TAC4: variants seen among roughly 807,000 people sequenced by gnomAD.
TAC4 encodes the protein tachykinin precursor 4.
Under a neutral mutation model 17.7 loss-of-function variants are expected in TAC4, and 17 were observed. The observed-to-expected ratio is 0.96, with a 90% confidence interval of 0.66 to 1.44. TAC4 has a LOEUF of 1.44. Among genes scored for constraint, TAC4 ranks in the 40% most tolerant of loss-of-function variants. The pLI, the probability that TAC4 is intolerant of heterozygous loss-of-function variation, is 0.00. For missense variants in TAC4, 118 were observed against 125.6 expected (o/e 0.94, Z 0.29); for synonymous variants, 62 against 52.4 (o/e 1.18, Z -0.79).
At chr17:49,844,887 C>G (rs981886826) in intron 1 of TAC4, among the ~76,000 whole-genome samples, 1 of 152,222 alleles carries the variant, frequency 6.6e-6, no homozygotes, top group Non-Finnish European at 1.5e-5. Flanking sequence ...ACCACCATAA[C>G]TAGTAGAAAC....
chr17:49,841,778 C>T (rs1025647689), intron 2 of TAC4, among the ~76,000 whole-genome samples, 194 bp from the exon 3 acceptor site: 6 of 151,814 alleles, frequency 4.0e-5, no homozygotes, highest in African/African-American at 1.5e-4. Context: ...TGGAAGTGCA[C>T]AGACTTTGGG....
At chr17:49,839,504 CA>C (rs2074480979) in intron 4 of TAC4, among the ~76,000 whole-genome samples, 2 of 152,196 alleles carry the variant, frequency 1.3e-5, no homozygotes, top group African/African-American at 4.8e-5. Flanking sequence ...GTGTAACGAT[CA>C]ACGATTAGAG....
rs75424427 is a variant in TAC4 at position 49,838,764 on chromosome 17, C to G, written c.293-91G>C. On this transcript the variant is annotated intron_variant, in intron 4 of 4. Transcript: ENST00000436235. The stretch of plus-strand genomic sequence containing the variant: ...AAGTCTTCCCTAGTTGCATTGAAGG[C>G]CTTCATCTTCCTAACCCCTCTCTCC... 3,934 of 1,283,454 alleles carry G rather than the reference C, an allele frequency of 3.1e-3. 75 individuals are homozygous for G. The African/African-American group carries it at 0.051, about 17-fold the overall frequency. The allele number at this position is 1,283,454 out of a possible 1,614,324, so 79.5% of individuals were successfully genotyped here.
intron 1 of TAC4, chr17:49,847,702 C>CACAG: frequency 3.3e-6 from 2 of 609,292 alleles, no homozygotes; most frequent in Non-Finnish European, 2.8e-6. Flanking sequence ...GACACACACA[C>CACAG]ACACACACAC....
intron 1 of TAC4, 148 bp from the exon 2 acceptor site, chr17:49,844,305 C>T (rs1226936848): frequency 3.1e-6 from 2 of 646,682 alleles, no homozygotes; most frequent in Non-Finnish European, 5.6e-6. Flanking sequence ...ATATTTTACA[C>T]AGTACTGCAC....
At position 49,847,807 on chromosome 17, in the gene TAC4, C is replaced by T. The variant is rs1057014677; in HGVS notation, c.105+106G>A. 1.7e-5 allele frequency: 27 copies of T among 1,594,416 alleles called. 1 individual carries two copies. The African/African-American group carries it at 2.4e-4, about 14-fold the overall frequency. ...TCAGACAACTTGCCTTGCAGACTGC[C>T]TGCTCTCCCAGCAGCCATGCAGGGG... On this transcript the variant is annotated intron_variant, in intron 1 of 4. Transcript: ENST00000436235.
At chr17:49,847,717 A>T in intron 1 of TAC4, 196 bp downstream of exon 1, 3 of 727,860 alleles carry the variant, frequency 4.1e-6, no homozygotes, top group South Asian at 3.4e-5. Context: ...ACACACACAC[A>T]CACACACACT....
intron 1 of TAC4, chr17:49,847,628 A>G: frequency 2.4e-6 from 1 of 417,084 alleles, no homozygotes; most frequent in East Asian, 5.2e-5. Flanking sequence ...AAAGCATTTC[A>G]GACAGTGCCA....
chr17:49,847,140 C>G (rs1042198127), intron 1 of TAC4: 1 of 1,289,868 alleles, frequency 7.8e-7, no homozygotes, highest in Non-Finnish European at 1.0e-6. Flanking sequence ...AAGCCAAGGC[C>G]ACCCCAGTGT....
chr17:49,842,731 C>T (rs2074508062), intron 2 of TAC4, among the ~76,000 whole-genome samples: 1 of 152,100 alleles, frequency 6.6e-6, no homozygotes, highest in Admixed American at 6.5e-5. Flanking sequence ...TCTTCCCTTT[C>T]TCCCCCCTCA....
chr17:49,842,382 T>C (rs112154772), intron 2 of TAC4, among the ~76,000 whole-genome samples: 1 of 151,710 alleles, frequency 6.6e-6, no homozygotes. Flanking sequence ...TACAAAAAAT[T>C]AGCCAGGCAT....
intron 2 of TAC4, among the ~76,000 whole-genome samples, 166 bp from the exon 3 acceptor site, chr17:49,841,750 G>C (rs2074499892): frequency 6.6e-6 from 1 of 151,964 alleles, no homozygotes; most frequent in Non-Finnish European, 1.5e-5. Context: ...GTGCTGGTAG[G>C]GGGCAGTGTG....
At chr17:49,841,043 C>A (rs1204256402) in intron 3 of TAC4, among the ~76,000 whole-genome samples, 1 of 150,842 alleles carries the variant, frequency 6.6e-6, no homozygotes, top group Non-Finnish European at 1.5e-5. Flanking sequence ...CTACACCGGG[C>A]TAATGTTTGC....
chr17:49,845,477 A>T (rs947935834), intron 1 of TAC4, among the ~76,000 whole-genome samples: 1 of 152,190 alleles, frequency 6.6e-6, no homozygotes, highest in African/African-American at 2.4e-5. Context: ...ACATGTCTGT[A>T]TCCCCAGCTC....
At chr17:49,839,742 T>G (rs2074482817) in intron 4 of TAC4, 108 bp downstream of exon 4, 2 of 1,050,854 alleles carry the variant, frequency 1.9e-6, no homozygotes, top group Non-Finnish European at 2.8e-6. Context: ...TGATGGCTTG[T>G]GGGGAGCCTG....
intron 3 of TAC4, among the ~76,000 whole-genome samples, chr17:49,840,222 C>A (rs994299525): frequency 4.6e-5 from 7 of 152,204 alleles, no homozygotes; most frequent in African/African-American, 1.7e-4. Context: ...CGACAGCAGA[C>A]CTGATGCCTG....
chr17:49,838,787 T>C (rs1048619327), intron 4 of TAC4, 114 bp from the exon 5 acceptor site: 5 of 1,040,756 alleles, frequency 4.8e-6, no homozygotes, highest in Middle Eastern at 2.1e-4. Context: ...AACCCCTCTC[T>C]CCTTTCTGGA....
intron 2 of TAC4, among the ~76,000 whole-genome samples, chr17:49,843,235 A>C (rs2074511947): frequency 6.6e-6 from 1 of 152,248 alleles, no homozygotes; most frequent in Non-Finnish European, 1.5e-5. Context: ...CCACTTAAAA[A>C]ATGTAATATT....
intron 4 of TAC4, among the ~76,000 whole-genome samples, chr17:49,839,259 C>T (rs545344480): frequency 3.9e-5 from 6 of 152,218 alleles, no homozygotes; most frequent in East Asian, 1.9e-4. Context: ...TGTGACCTGC[C>T]GGGGCGCCCA....
Sources: gnomAD v4.1 joint callset for allele counts (sites outside exome capture counted in the v4.1 genomes callset) on GRCh38, gnomAD v4.1.1 for gene constraint, MANE v1.5 for transcripts, NCBI Gene and HGNC (gene_info 2026-07-23, HGNC 2026-07-21) for gene names.